Variants in FAM110B observed in about 807,000 individuals in gnomAD.
The protein encoded by FAM110B is family with sequence similarity 110 member B.
In FAM110B, 6 loss-of-function variants were observed where a neutral mutation model predicts 20.4. The ratio of observed to expected loss-of-function variants is 0.29; its 90% CI spans 0.16 to 0.58. FAM110B has a LOEUF of 0.58. FAM110B is among the 20% of genes least tolerant of loss of function. The pLI is 0.90. For synonymous variants in FAM110B, 226 were observed against 214.1 expected (o/e 1.06, Z -0.49); for missense variants, 434 against 498.2 (o/e 0.87, Z 1.23).
intron 3 of FAM110B, chr8:58,113,340 A>C (rs573514363): frequency 2.3e-4 from 49 of 217,266 alleles, no homozygotes; most frequent in Non-Finnish European, 2.8e-4. Flanking sequence ...CCATGTGGAC[A>C]GTTGTGCCAT....
intron 2 of FAM110B, among the ~76,000 whole-genome samples, chr8:58,047,486 C>T (rs1243800222): frequency 6.6e-6 from 1 of 151,982 alleles, no homozygotes; most frequent in Non-Finnish European, 1.5e-5. Context: ...TCACAGTCTC[C>T]AACCATCACC....
chr8:58,006,923 A>G (rs74435930), intron 1 of FAM110B, among the ~76,000 whole-genome samples: 1 of 126,518 alleles, frequency 7.9e-6, no homozygotes, highest in Non-Finnish European at 1.6e-5. Context: ...ATATATATAT[A>G]TTTTTCCAAA....
intron 2 of FAM110B, among the ~76,000 whole-genome samples, chr8:58,049,558 T>C (rs529173766): frequency 3.3e-5 from 5 of 152,280 alleles, no homozygotes; most frequent in African/African-American, 1.2e-4. Flanking sequence ...GGATAGACAC[T>C]TTAATTGACC....
chr8:58,045,666 A>G (rs1329516240), intron 2 of FAM110B, among the ~76,000 whole-genome samples: 6 of 152,224 alleles, frequency 3.9e-5, no homozygotes, highest in African/African-American at 1.4e-4. Context: ...AAAATTCAAA[A>G]GTCATCGGCC....
At chr8:58,093,499 A>G (rs917646274) in intron 3 of FAM110B, among the ~76,000 whole-genome samples, 1 of 152,174 alleles carries the variant, frequency 6.6e-6, no homozygotes, top group African/African-American at 2.4e-5. Context: ...CATTTATTAA[A>G]TGGGGAATAT....
chr8:58,131,988 A>T (rs1037794408), intron 3 of FAM110B, among the ~76,000 whole-genome samples: 1 of 152,206 alleles, frequency 6.6e-6, no homozygotes, highest in African/African-American at 2.4e-5. Context: ...ATTTTTATCT[A>T]ATCAGGTCAT....
intron 1 of FAM110B, among the ~76,000 whole-genome samples, chr8:58,014,033 A>G (rs1016363364): frequency 1.3e-5 from 2 of 152,086 alleles, no homozygotes; most frequent in African/African-American, 2.4e-5. Flanking sequence ...TGTGATGATC[A>G]TGCTTTTGTC....
At chr8:58,106,351 G>A (rs1283011200) in intron 3 of FAM110B, 1 of 152,102 alleles carries the variant, frequency 6.6e-6, no homozygotes, top group African/African-American at 2.4e-5. Flanking sequence ...AGACAGGAAA[G>A]GTTGTCCTTG....
chr8:58,037,183 T>C (rs1235264448), intron 2 of FAM110B, among the ~76,000 whole-genome samples: 1 of 152,260 alleles, frequency 6.6e-6, no homozygotes, highest in East Asian at 1.9e-4. Flanking sequence ...CTACTATCTA[T>C]AGTAAATGCA....
chr8:58,099,633 T>C (rs1288000417), intron 3 of FAM110B, among the ~76,000 whole-genome samples: 2 of 152,224 alleles, frequency 1.3e-5, no homozygotes, highest in African/African-American at 4.8e-5. Flanking sequence ...TACTCTCATA[T>C]AGCACATTAA....
intron 2 of FAM110B, chr8:58,070,138 G>C (rs948993415): frequency 1.3e-5 from 2 of 152,298 alleles, no homozygotes; most frequent in African/African-American, 4.8e-5. Flanking sequence ...TTCCGCATGT[G>C]CCTTTTCCTC....
intron 3 of FAM110B, among the ~76,000 whole-genome samples, chr8:58,131,857 C>G (rs969027476): frequency 6.6e-6 from 1 of 152,178 alleles, no homozygotes; most frequent in African/African-American, 2.4e-5. Context: ...CTTGATTAAA[C>G]AGGTTCCCTT....
At chr8:58,103,046 T>G (rs1213516769) in intron 3 of FAM110B, among the ~76,000 whole-genome samples, 1 of 150,956 alleles carries the variant, frequency 6.6e-6, no homozygotes, top group Non-Finnish European at 1.5e-5. Context: ...TTAAACAGCT[T>G]TGCAAGGCAG....
At chr8:58,085,438 G>A (rs1303071408) in intron 3 of FAM110B, among the ~76,000 whole-genome samples, 6 of 152,120 alleles carry the variant, frequency 3.9e-5, no homozygotes, top group African/African-American at 7.2e-5. Flanking sequence ...GCTTGAACCC[G>A]GAAGATGGAA....
At chr8:58,006,507 C>A (rs1804405542) in intron 1 of FAM110B, among the ~76,000 whole-genome samples, 1 of 152,078 alleles carries the variant, frequency 6.6e-6, no homozygotes. Flanking sequence ...TTTATCTAGA[C>A]CTCCTAGGGT....
At chr8:58,052,055 A>C (rs765822069) in intron 2 of FAM110B, among the ~76,000 whole-genome samples, 2 of 152,216 alleles carry the variant, frequency 1.3e-5, no homozygotes, top group Admixed American at 1.3e-4. Context: ...TTTGGCTTTT[A>C]CTTCCTTTTC....
intron 3 of FAM110B, among the ~76,000 whole-genome samples, chr8:58,128,954 A>C (rs931528040): frequency 6.6e-6 from 1 of 152,170 alleles, no homozygotes; most frequent in African/African-American, 2.4e-5. Flanking sequence ...ATTTATTGAA[A>C]TGTCTTTTCA....
At chr8:58,046,017 G>A (rs907325335) in intron 2 of FAM110B, among the ~76,000 whole-genome samples, 1 of 152,128 alleles carries the variant, frequency 6.6e-6, no homozygotes, top group South Asian at 2.1e-4. Context: ...CTGATCAAAA[G>A]CACTGATCCC....
intron 3 of FAM110B, among the ~76,000 whole-genome samples, chr8:58,117,001 G>A (rs1249319684): frequency 6.6e-6 from 1 of 152,182 alleles, no homozygotes; most frequent in Non-Finnish European, 1.5e-5. Flanking sequence ...CCTAAAGAAA[G>A]CAAGTGAGAA....
Sources: allele counts gnomAD v4.1 joint callset (sites outside exome capture counted in the v4.1 genomes callset), GRCh38; gene constraint gnomAD v4.1.1; transcripts MANE v1.5; gene names NCBI Gene and HGNC (gene_info 2026-07-23, HGNC 2026-07-21).